VAT1L: variants seen among roughly 807,000 people sequenced by gnomAD.
VAT1L encodes putative NADPH-dependent quinone oxidoreductase VAT1L.
VAT1L carries 34 observed loss-of-function variants against 44.1 expected under a neutral mutation model. That is an observed-to-expected ratio of 0.77 (90% CI 0.59 to 1.03). The LOEUF is 1.03. Ranked by LOEUF, VAT1L falls within the 50% of genes least tolerant of loss-of-function variation. The pLI, the probability that VAT1L is intolerant of heterozygous loss-of-function variation, is 0.00. For synonymous variants in VAT1L, 253 were observed against 202.2 expected (o/e 1.25, Z -2.13); for missense variants, 615 against 538.8 (o/e 1.14, Z -1.40).
At chr16:77,815,694 C>G (rs1317376169) in intron 1 of VAT1L, among the ~76,000 whole-genome samples, 1 of 151,958 alleles carries the variant, frequency 6.6e-6, no homozygotes, top group Non-Finnish European at 1.5e-5. Flanking sequence ...GTTGGCTGGG[C>G]ACAGTGGCTC....
chr16:77,903,608 C>G (rs1188901672), intron 7 of VAT1L, among the ~76,000 whole-genome samples: 3 of 152,070 alleles, frequency 2.0e-5, no homozygotes, highest in Non-Finnish European at 4.4e-5. Flanking sequence ...ACCACCCTAT[C>G]TAGACTTGGA....
At chr16:77,793,270 C>G (rs1399834835) in intron 1 of VAT1L, among the ~76,000 whole-genome samples, 1 of 151,940 alleles carries the variant, frequency 6.6e-6, no homozygotes, top group Non-Finnish European at 1.5e-5. Flanking sequence ...TGCCACCGTG[C>G]CCAGCTAATT....
In VAT1L at chr16:77,928,189, G is replaced by A. The variant is rs375410574; in HGVS notation, c.1077+43387G>A. ...CTTTTGTAAAGATGAACCAGAGCAA[G>A]ACCTGGCTCTGGTTCATTTGTGACC... On this transcript the variant is annotated intron_variant, in intron 7 of 8. Coordinates refer to ENST00000302536, the MANE Select transcript of VAT1L (RefSeq NM_020927.3). Among the ~76,000 whole-genome samples the A allele has an allele frequency of 1.4e-4, 22 of 152,260 alleles. No individual in the cohort carries two copies. The East Asian group carries it at 3.9e-3, about 27-fold the overall frequency.
chr16:77,923,967 C>A (rs1171667761), intron 7 of VAT1L, among the ~76,000 whole-genome samples: 1 of 152,026 alleles, frequency 6.6e-6, no homozygotes. Flanking sequence ...TCCCTTCCCC[C>A]AGTAAAGATG....
At chr16:77,855,884 G>T (rs911504347) in intron 3 of VAT1L, among the ~76,000 whole-genome samples, 2 of 152,180 alleles carry the variant, frequency 1.3e-5, no homozygotes, top group African/African-American at 4.8e-5. Context: ...CGGGCATGGT[G>T]GCGGGCACCT....
At position 77,879,328 on chromosome 16, in the gene VAT1L, G is replaced by C; in HGVS notation, c.882+104G>C. The C allele has an allele frequency of 4.7e-6, 6 of 1,274,806 alleles. No homozygotes were observed. Among genetic ancestry groups the C allele is most frequent in the Non-Finnish European group, 6.8e-6 (6 of 878,582 alleles). The allele number at this position is 1,274,806 out of a possible 1,614,324, so 79.0% of individuals were successfully genotyped here. A position where few individuals can be genotyped will look rare whatever the true frequency, so the allele number is the denominator to read the frequency against. On this transcript the variant is annotated intron_variant, in intron 6 of 8. Transcript: ENST00000302536. This position sits in a 1 kb window ranked among gnomAD's most constrained non-coding sequence, Gnocchi z 4.1. ...TTGTTTTGAGACAGCGTCTCGTTCT[G>C]TCACCAGGCTGGAGTGCAATGGCAC...
intron 7 of VAT1L, among the ~76,000 whole-genome samples, chr16:77,946,276 G>GCTCTTTTTTTTTTTTTTT (rs1441996306): frequency 1.5e-4 from 5 of 33,876 alleles, no homozygotes; most frequent in Non-Finnish European, 2.8e-4. Flanking sequence ...TAGGTTACTT[G>GCTCTTTTTTTTTTTTTTT]TTCTTTTTTT....
At chr16:77,875,311 T>G (rs779955253) in intron 4 of VAT1L, among the ~76,000 whole-genome samples, 7 of 152,244 alleles carry the variant, frequency 4.6e-5, no homozygotes, top group Non-Finnish European at 1.0e-4. Flanking sequence ...TTAGTGAAAC[T>G]GTGGACACAG....
intron 7 of VAT1L, among the ~76,000 whole-genome samples, chr16:77,968,396 C>T (rs2018245523): frequency 6.6e-6 from 1 of 152,200 alleles, no homozygotes; most frequent in African/African-American, 2.4e-5. Flanking sequence ...GGAACACGTT[C>T]ACCCTGGGTA....
intron 7 of VAT1L, among the ~76,000 whole-genome samples, chr16:77,948,573 A>G (rs1474305889): frequency 1.3e-5 from 2 of 152,296 alleles, no homozygotes; most frequent in South Asian, 2.1e-4. Flanking sequence ...ATTATAGGAT[A>G]CTGACACCCC....
intron 3 of VAT1L, among the ~76,000 whole-genome samples, chr16:77,825,858 T>TA (rs10657560): frequency 0.79 from 109,581 of 139,034 alleles, 43,326 homozygotes; most frequent in Non-Finnish European, 0.83. Flanking sequence ...CTACTAAAAA[T>TA]AAAAAAAAAA....
intron 7 of VAT1L, among the ~76,000 whole-genome samples, chr16:77,966,004 A>G (rs530579312): frequency 1.3e-5 from 2 of 152,344 alleles, no homozygotes; most frequent in East Asian, 1.9e-4. Context: ...ATTTACTCTC[A>G]GTGTAAAATA....
intron 1 of VAT1L, among the ~76,000 whole-genome samples, chr16:77,816,047 CATGTG>C (rs2145234667): frequency 6.7e-6 from 1 of 149,168 alleles, no homozygotes; most frequent in South Asian, 2.1e-4. Flanking sequence ...TGTGTTTCCC[CATGTG>C]ATTAGCAAAT....
chr16:77,821,493 A>G (rs563580367), intron 2 of VAT1L, among the ~76,000 whole-genome samples: 2 of 151,982 alleles, frequency 1.3e-5, no homozygotes, highest in African/African-American at 4.8e-5. Flanking sequence ...GAGTTTCACC[A>G]TGTTGGCCAG....
intron 3 of VAT1L, among the ~76,000 whole-genome samples, chr16:77,844,698 C>T (rs1348462563): frequency 6.6e-6 from 1 of 152,066 alleles, no homozygotes; most frequent in East Asian, 1.9e-4. Context: ...CGTGAGCCAC[C>T]ACATCTGCAC....
At chr16:77,957,756 A>G (rs2018119625) in intron 7 of VAT1L, among the ~76,000 whole-genome samples, 1 of 148,594 alleles carries the variant, frequency 6.7e-6, no homozygotes, top group African/African-American at 2.4e-5. Context: ...AATTATATAT[A>G]ATTATAATTA....
intron 7 of VAT1L, among the ~76,000 whole-genome samples, chr16:77,968,606 TC>T (rs555873623): frequency 3.9e-4 from 59 of 151,948 alleles, no homozygotes; most frequent in Middle Eastern, 3.4e-3. Flanking sequence ...GCGCCTGTAG[TC>T]CCAGCTACTC....
intron 1 of VAT1L, among the ~76,000 whole-genome samples, chr16:77,802,487 C>T (rs1224436234): frequency 7.9e-5 from 12 of 152,074 alleles, no homozygotes; most frequent in East Asian, 3.9e-4. Context: ...TGGTGGCAGG[C>T]GCCTGTAATC....
At position 77,950,083 on chromosome 16, in the gene VAT1L, G is replaced by A. The variant is rs554135384; in HGVS notation, c.1078-21767G>A. 2.6e-5 allele frequency among the ~76,000 whole-genome samples: 4 copies of A among 152,276 alleles called. No homozygotes were observed. In the South Asian group the frequency reaches 8.3e-4, roughly 32 times the overall value. On this transcript the variant is annotated intron_variant, in intron 7 of 8. Transcript: ENST00000302536. ...CACTTTTAATAACTTATTATCCAAT[G>A]AACATGTGCTCATTGTGTTCATTTT...
Sources: gnomAD v4.1 joint callset for allele counts (sites outside exome capture counted in the v4.1 genomes callset) on GRCh38, gnomAD v4.1.1 for gene constraint, Gnocchi (gnomAD v3.1) non-coding constraint, MANE v1.5 for transcripts, NCBI Gene and HGNC (gene_info 2026-07-23, HGNC 2026-07-21) for gene names.